The following CAMK1D variants were observed in gnomAD, a reference collection of about 807,000 sequenced individuals.
CAMK1D encodes the protein calcium/calmodulin-dependent protein kinase type 1D.
A neutral mutation model predicts 47.7 loss-of-function variants in CAMK1D; 9 were observed. That is an observed-to-expected ratio of 0.19 (90% confidence interval 0.11 to 0.33). The LOEUF (loss-of-function observed/expected upper bound fraction) is 0.33, where lower values mean the gene tolerates loss of function less well. CAMK1D is among the 10% of genes least tolerant of loss of function. The pLI, the probability that CAMK1D is intolerant of heterozygous loss-of-function variation, is 1.00. For missense variants in CAMK1D, 291 were observed against 488.7 expected, an observed-to-expected ratio of 0.60 and a Z score of 3.81; for synonymous variants, 184 against 184.9, an observed-to-expected ratio of 0.99 and a Z score of 0.04.
chr10:12,401,157 TATATA>T (rs1188205001), intron 1 of CAMK1D, among the ~76,000 whole-genome samples: 15 of 64,102 alleles, frequency 2.3e-4, no homozygotes, highest in African/African-American at 7.3e-4. Context: ...ATTTTATATA[TATATA>T]ATATATGTAT....
At chr10:12,675,874 G>A (rs1840790536) in intron 3 of CAMK1D, among the ~76,000 whole-genome samples, 1 of 152,134 alleles carries the variant, frequency 6.6e-6, no homozygotes, top group Admixed American at 6.6e-5. Context: ...AACATACCAG[G>A]CCAGTACTGC....
intron 1 of CAMK1D, among the ~76,000 whole-genome samples, chr10:12,548,952 C>A (rs1426746193): frequency 6.6e-6 from 1 of 152,190 alleles, no homozygotes; most frequent in East Asian, 1.9e-4. Context: ...GCCTCCTGGG[C>A]TCAAACGATT....
At chr10:12,817,776 C>T (rs566522816) in intron 8 of CAMK1D, among the ~76,000 whole-genome samples, 5 of 152,240 alleles carry the variant, frequency 3.3e-5, no homozygotes, top group South Asian at 2.1e-4. Context: ...CTGCAGCCTC[C>T]GCCTCCTGTA....
At chr10:12,714,017 T>C (rs759760759) in intron 3 of CAMK1D, among the ~76,000 whole-genome samples, 1 of 152,236 alleles carries the variant, frequency 6.6e-6, no homozygotes, top group Non-Finnish European at 1.5e-5. Context: ...TGTTGACAGC[T>C]GGTACCATCA....
intron 3 of CAMK1D, among the ~76,000 whole-genome samples, chr10:12,689,503 C>G (rs1415441281): frequency 1.3e-5 from 2 of 152,092 alleles, no homozygotes. Context: ...ACTTGCCGGG[C>G]GTGGTGGTGA....
chr10:12,666,689 C>G, intron 2 of CAMK1D, 47 bp from the exon 3 acceptor site: 4 of 1,436,824 alleles, frequency 2.8e-6, no homozygotes, highest in Non-Finnish European at 3.9e-6. Flanking sequence ...GAAACATTTT[C>G]CTATCTAATC....
chr10:12,715,426 A>G (rs1463237413), intron 3 of CAMK1D, among the ~76,000 whole-genome samples: 1 of 152,194 alleles, frequency 6.6e-6, no homozygotes, highest in Non-Finnish European at 1.5e-5. Flanking sequence ...AAAATAAATA[A>G]TAGGAAAATG....
chr10:12,659,242 C>A (rs918066642), intron 2 of CAMK1D, among the ~76,000 whole-genome samples: 2 of 152,212 alleles, frequency 1.3e-5, no homozygotes, highest in African/African-American at 4.8e-5. Context: ...TTTGAACTTT[C>A]TCCTGTACTA....
chr10:12,743,926 A>G (rs558319788), intron 3 of CAMK1D, among the ~76,000 whole-genome samples: 3 of 152,086 alleles, frequency 2.0e-5, no homozygotes, highest in African/African-American at 7.2e-5. Flanking sequence ...CAGAGGCTGA[A>G]ACAGGAGAAT....
At chr10:12,483,261 G>C (rs945927003) in intron 1 of CAMK1D, among the ~76,000 whole-genome samples, 2 of 152,050 alleles carry the variant, frequency 1.3e-5, no homozygotes, top group African/African-American at 4.8e-5. Flanking sequence ...GAGTGCAGTG[G>C]CGTGATCATA....
intron 2 of CAMK1D, among the ~76,000 whole-genome samples, chr10:12,567,412 T>TA (rs1837158956): frequency 6.6e-6 from 1 of 151,522 alleles, no homozygotes; most frequent in Non-Finnish European, 1.5e-5. Flanking sequence ...TGGCATAGAG[T>TA]GGGGAAGGCA....
intron 3 of CAMK1D, among the ~76,000 whole-genome samples, chr10:12,756,565 A>T (rs1296374477): frequency 6.6e-6 from 1 of 152,214 alleles, no homozygotes; most frequent in Admixed American, 6.5e-5. Context: ...ACGATTTCAT[A>T]TTTGCATATT....
chr10:12,387,989 C>G (rs1838584476), intron 1 of CAMK1D, among the ~76,000 whole-genome samples: 1 of 152,076 alleles, frequency 6.6e-6, no homozygotes, highest in Non-Finnish European at 1.5e-5. Context: ...AGGGAAGAAG[C>G]CTCAGCTCTT....
intron 8 of CAMK1D, among the ~76,000 whole-genome samples, chr10:12,817,989 G>A (rs1376322782): frequency 6.6e-6 from 1 of 152,066 alleles, no homozygotes; most frequent in Non-Finnish European, 1.5e-5. Flanking sequence ...GCGCTGGCCT[G>A]TAGTGATTGT....
intron 1 of CAMK1D, among the ~76,000 whole-genome samples, chr10:12,490,136 C>T (rs1834339096): frequency 6.6e-6 from 1 of 152,194 alleles, no homozygotes; most frequent in Admixed American, 6.5e-5. Context: ...CCGAGGGCCT[C>T]TGAGTGAGAG....
At chr10:12,385,217 C>G (rs1838455461) in intron 1 of CAMK1D, among the ~76,000 whole-genome samples, 1 of 152,180 alleles carries the variant, frequency 6.6e-6, no homozygotes, top group African/African-American at 2.4e-5. Context: ...AACATGACAT[C>G]ACTAAATGAG....
chr10:12,827,435 C>CTTT lies in CAMK1D; in HGVS notation c.1040-1334_1040-1333insTTT, dbSNP rs1833272882. ...TCTCTCTTTCTTTCCTTCCTTCCTT[C>CTTT]CTTCTTTCTTTCTTTCTTTTCTTTC... On this transcript the variant is annotated intron_variant, in intron 10 of 10. Coordinates refer to ENST00000619168, the MANE Select transcript of CAMK1D (RefSeq NM_153498.4). 2.2e-5 allele frequency among the ~76,000 whole-genome samples: 3 copies of CTTT among 133,828 alleles called. 1 individual carries two copies. Among genetic ancestry groups the CTTT allele is most frequent in the African/African-American group, 8.4e-5 (3 of 35,636 alleles). The allele number at this position is 133,828 out of a possible 152,430, so 87.8% of individuals were successfully genotyped here.
intron 3 of CAMK1D, among the ~76,000 whole-genome samples, chr10:12,693,545 A>G (rs1833018515): frequency 1.3e-5 from 2 of 151,784 alleles, no homozygotes; most frequent in African/African-American, 2.4e-5. Flanking sequence ...AGGTGGGAGG[A>G]TCACCTGAGC....
intron 1 of CAMK1D, among the ~76,000 whole-genome samples, chr10:12,431,092 T>C (rs185748827): frequency 1.8e-4 from 27 of 152,366 alleles, no homozygotes; most frequent in African/African-American, 6.3e-4. Context: ...TTATTTTTTA[T>C]AATAAATTAG....
Sources: allele counts gnomAD v4.1 joint callset (sites outside exome capture counted in the v4.1 genomes callset), GRCh38; gene constraint gnomAD v4.1.1; transcripts MANE v1.5; gene names NCBI Gene and HGNC (gene_info 2026-07-23, HGNC 2026-07-21).